OFD1: variants seen among roughly 807,000 people sequenced by gnomAD.
The protein encoded by OFD1 is centriole and centriolar satellite protein OFD1.
A neutral mutation model predicts 81.4 loss-of-function variants in OFD1; 12 were observed. The observed-to-expected ratio is 0.15, with a 90% CI of 0.09 to 0.24. The LOEUF is 0.24. OFD1 is among the 10% of genes least tolerant of loss of function. The pLI is 1.00. For missense variants in OFD1, 685 were observed against 733.9 expected (o/e 0.93, Z 0.77); for synonymous variants, 256 against 263.7 (o/e 0.97, Z 0.28).
the OFD1 span, among the ~76,000 whole-genome samples, chrX:13,723,637 G>A: frequency 4.5e-5 from 5 of 111,719 alleles, no homozygotes; most frequent in South Asian, 3.7e-4. Flanking sequence ...TTTTCCCATC[G>A]CCTTAAATAG....
intron 9 of OFD1, among the ~76,000 whole-genome samples, chrX:13,750,862 C>T (rs1023477144): frequency 8.9e-6 from 1 of 112,392 alleles, no homozygotes; most frequent in African/African-American, 3.2e-5. Context: ...CAGTTAGAAA[C>T]AGCATTATAG....
At chrX:13,728,538 C>G in the OFD1 span, among the ~76,000 whole-genome samples, 1 of 111,866 alleles carries the variant, frequency 8.9e-6, no homozygotes, top group Non-Finnish European at 1.9e-5. Flanking sequence ...AGGCCTTTGA[C>G]AAAATTCAAC....
rs183998386 is a variant in OFD1, at chrX:13,763,528, A to C, written c.2489-217A>C. On this transcript the variant is annotated intron_variant, in intron 18 of 22. Coordinates refer to ENST00000340096, the MANE Select transcript of OFD1 (RefSeq NM_003611.3). The stretch of plus-strand genomic sequence containing the variant: ...GTTGGGTAACGAATCTCATTTTGTA[A>C]ACAAAGTTAATTCTTTCAACTACGA... Among the ~76,000 whole-genome samples, 4 of 112,610 alleles carry C rather than the reference A, an allele frequency of 3.6e-5. No homozygotes were observed. In the East Asian group the frequency reaches 1.1e-3, roughly 31 times the overall value.
At chrX:13,720,974 C>T in the OFD1 span, 1 of 106,331 alleles carries the variant, frequency 9.4e-6, no homozygotes, top group South Asian at 4.4e-4. Flanking sequence ...CTGCAGTGAA[C>T]CAAGATCGCA....
At chrX:13,744,562 A>G (rs2047222476) in intron 6 of OFD1, 43 bp downstream of exon 6, 1 of 814,541 alleles carries the variant, frequency 1.2e-6, no homozygotes, top group Non-Finnish European at 1.9e-6. Flanking sequence ...TGCTGTTTTC[A>G]TTTTGAATGA....
At chrX:13,740,332 C>A in intron 5 of OFD1, 1 of 364,444 alleles carries the variant, frequency 2.7e-6, no homozygotes, top group Non-Finnish European at 4.7e-6. Flanking sequence ...GGCTTTTGAG[C>A]CTTGAAATGT....
chrX:13,754,203 G>A, intron 11 of OFD1, among the ~76,000 whole-genome samples: 1 of 110,892 alleles, frequency 9.0e-6, no homozygotes, highest in African/African-American at 3.3e-5. Flanking sequence ...GGATGATCTC[G>A]ATCTCCTGAC....
the OFD1 span, among the ~76,000 whole-genome samples, chrX:13,717,052 A>C: frequency 3.9e-3 from 409 of 105,243 alleles, 2 homozygotes; most frequent in South Asian, 7.2e-3. Context: ...AAAAAAAAAA[A>C]AAAAAAAAAA....
chrX:13,753,094 G>A, intron 10 of OFD1: 2 of 955,866 alleles, frequency 2.1e-6, no homozygotes, highest in African/African-American at 4.0e-5. Context: ...ACTGAAAAGT[G>A]ATTGCTTTCA....
intron 11 of OFD1, 75 bp from the exon 12 acceptor site, chrX:13,755,076 G>A: frequency 1.4e-6 from 1 of 708,602 alleles, no homozygotes. Flanking sequence ...CTGACATACT[G>A]GCCATAAATA....
At position 13,734,988 on chromosome X, in the gene OFD1, T is replaced by G; in HGVS notation, c.-84T>G. ...TTCTGAGGGCAGGGATTCCCCCTCG[T>G]CTTGGCCCCACCGCCCGGGCTGGGC... is the stretch of plus-strand genomic sequence containing the variant. On this transcript the variant is annotated 5_prime_UTR_variant, in exon 1 of 23. Coordinates refer to ENST00000340096, the MANE Select transcript of OFD1 (RefSeq NM_003611.3). 1 of 1,159,436 alleles carries G rather than the reference T, an allele frequency of 8.6e-7. No homozygotes were observed. The highest frequency in any genetic ancestry group is 1.9e-5 in the South Asian group (1 of 53,237).
downstream of OFD1, chrX:13,772,159 T>C (rs896235650): frequency 8.9e-6 from 1 of 112,684 alleles, no homozygotes; most frequent in Non-Finnish European, 1.9e-5. Flanking sequence ...GAAAATTGGA[T>C]CAGTATTTTG....
Position 13,758,416 on chromosome X carries a change from A to G in OFD1, c.1622A>G (p.Asp541Gly), listed in dbSNP as rs369907952. The G allele has an allele frequency of 8.3e-6, 10 of 1,202,008 alleles. No homozygotes were observed. Among genetic ancestry groups the G allele is most frequent in the Admixed American group, 4.3e-5 (2 of 45,994 alleles). The change falls in exon 15 of 23, where the codon GAT becomes GGT. Residue 541 changes from aspartate to glycine, a missense_variant. Physicochemically the swap from Asp to Gly is moderately conservative, Grantham distance 94 (BLOSUM62 -1). Transcript: ENST00000340096. ...SVKSLTTQVA[D>G]LKLQLKQTQT... is the part of the protein sequence containing the mutation. ...AAGAGTTTAACTACTCAGGTTGCCGATTTAAAATTGCAACTGAAGCAAACT... is the reference window on the plus strand; with the variant it reads ...AAGAGTTTAACTACTCAGGTTGCCGGTTTAAAATTGCAACTGAAGCAAACT...
chrX:13,770,743 T>TAG (rs2048280306), downstream of OFD1, among the ~76,000 whole-genome samples: 1 of 112,393 alleles, frequency 8.9e-6, no homozygotes, highest in Non-Finnish European at 1.9e-5. Context: ...AGTGGCACTT[T>TAG]TATGCCCAAT....
intron 8 of OFD1, among the ~76,000 whole-genome samples, chrX:13,748,074 A>T (rs891513110): frequency 1.8e-5 from 2 of 112,167 alleles, no homozygotes; most frequent in Admixed American, 9.4e-5. Context: ...GGGCTTCTCA[A>T]TAAGACCTAG....
chrX:13,743,283 C>T (rs944183036), intron 5 of OFD1, among the ~76,000 whole-genome samples: 4 of 112,485 alleles, frequency 3.6e-5, no homozygotes, highest in Admixed American at 9.4e-5. Context: ...ATCGTAGATA[C>T]TGTATGCAAT....
rs2047763623 is a variant in OFD1 at position 13,757,690 on chromosome X, T to G, written c.1442T>G (p.Val481Gly). The change falls in exon 14 of 23, where the codon GTC becomes GGC. Residue 481 changes from valine (V) to glycine (G), a missense_variant. Val to Gly is a moderately radical substitution (Grantham distance 109). This residue lies in a region of OFD1 where 414 missense variants were observed against 447.2 expected (regional missense o/e 0.93). Coordinates refer to ENST00000340096, the MANE Select transcript of OFD1 (RefSeq NM_003611.3). ...GCTCAGCCGGCTCCTGAACTTGCAGTCTTTCAGAAAGAACTACGGAAAGCC... is the reference window on the plus strand; with the variant it reads ...GCTCAGCCGGCTCCTGAACTTGCAGGCTTTCAGAAAGAACTACGGAAAGCC... The part of the protein sequence containing the change: ...RLAQPAPELA[V>G]FQKELRKAEK... 1.7e-6 allele frequency: 2 copies of G among 1,207,994 alleles called. No individual in the cohort carries two copies. Among genetic ancestry groups the G allele is most frequent in the African/African-American group, 3.5e-5 (2 of 56,649 alleles).
chrX:13,727,384 A>G, the OFD1 span, among the ~76,000 whole-genome samples: 1 of 112,541 alleles, frequency 8.9e-6, no homozygotes, highest in Non-Finnish European at 1.9e-5. Flanking sequence ...AAGAACACAA[A>G]TCACAAAAAA....
At chrX:13,758,587 T>A in intron 15 of OFD1, 139 bp downstream of exon 15, 1 of 449,579 alleles carries the variant, frequency 2.2e-6, no homozygotes, top group Non-Finnish European at 3.9e-6. Flanking sequence ...ATCTTAGAAG[T>A]AAAACTCCCT....
Sources: allele counts gnomAD v4.1 joint callset (sites outside exome capture counted in the v4.1 genomes callset), GRCh38; gene constraint gnomAD v4.1.1; regional missense constraint gnomAD v4.1.1; transcripts MANE v1.5; gene names NCBI Gene and HGNC (gene_info 2026-07-23, HGNC 2026-07-21).